The following ANXA10 variants were observed in gnomAD, a reference collection of about 807,000 sequenced individuals.
ANXA10 encodes the protein annexin 14.
ANXA10 carries 49 observed loss-of-function variants against 53.5 expected under a neutral mutation model. The ratio of observed to expected loss-of-function variants is 0.92; its 90% CI spans 0.73 to 1.16. ANXA10 has a LOEUF of 1.16. ANXA10 is among the 50% of genes most tolerant of loss of function. ANXA10 has a pLI of 0.00. For missense variants in ANXA10, 393 were observed against 394.4 expected (o/e 1.00, Z 0.03); for synonymous variants, 131 against 128.9 (o/e 1.02, Z -0.11).
intron 3 of ANXA10, among the ~76,000 whole-genome samples, chr4:168,158,159 T>C (rs1324968602): frequency 5.3e-5 from 8 of 152,196 alleles, no homozygotes; most frequent in Non-Finnish European, 1.2e-4. Context: ...CTCATGATGG[T>C]TCTAATTTCC....
intron 11 of ANXA10, 70 bp from the exon 12 acceptor site, chr4:168,187,296 G>C: frequency 9.5e-7 from 1 of 1,051,590 alleles, no homozygotes; most frequent in South Asian, 1.8e-5. Context: ...GTGCAGTCCA[G>C]AGGAATTATG....
At chr4:168,178,020 C>T (rs1422931727) in intron 8 of ANXA10, 37 bp downstream of exon 8, 1 of 1,568,878 alleles carries the variant, frequency 6.4e-7, no homozygotes, top group Non-Finnish European at 8.8e-7. Flanking sequence ...GCTACTTGAC[C>T]AATTATATAA....
At chr4:168,150,410 C>T (rs1382329843) in intron 3 of ANXA10, among the ~76,000 whole-genome samples, 2 of 152,182 alleles carry the variant, frequency 1.3e-5, no homozygotes, top group Non-Finnish European at 2.9e-5. Context: ...TTTTATAATA[C>T]TGTCAGCTGA....
intron 1 of ANXA10, among the ~76,000 whole-genome samples, chr4:168,123,291 A>AAC (rs1553997579): frequency 4.2e-4 from 64 of 151,486 alleles, no homozygotes; most frequent in African/African-American, 1.4e-3. Context: ...AACAAAAAAA[A>AAC]CCCAGACTTT....
At chr4:168,178,887 A>C (rs528637606) in intron 8 of ANXA10, among the ~76,000 whole-genome samples, 1 of 152,308 alleles carries the variant, frequency 6.6e-6, no homozygotes, top group African/African-American at 2.4e-5. Flanking sequence ...TAAGCCTATT[A>C]TATATGTCCT....
At chr4:168,116,707 C>T (rs1336528252) in intron 1 of ANXA10, among the ~76,000 whole-genome samples, 1 of 152,010 alleles carries the variant, frequency 6.6e-6, no homozygotes, top group Non-Finnish European at 1.5e-5. Flanking sequence ...CTGAGAAAAA[C>T]ATCCCATTAT....
chr4:168,127,817 C>CCTT (rs1553997928), intron 1 of ANXA10: 50 of 149,038 alleles, frequency 3.4e-4, no homozygotes, highest in Non-Finnish European at 5.1e-4. Flanking sequence ...ATGTTGAAAC[C>CCTT]TTTTTTTTTT....
chr4:168,187,244 T>C lies in ANXA10; in HGVS notation c.907-122T>C, dbSNP rs893845170. On this transcript the variant is annotated intron_variant, in intron 11 of 11. Transcript: ENST00000359299. ...ATGTTAAACCTTTAGATGAGAAAAGTAAATAAGTTTAGAAAGGCTAATGGT... is the reference window on the plus strand; with the variant it reads ...ATGTTAAACCTTTAGATGAGAAAAGCAAATAAGTTTAGAAAGGCTAATGGT... 4 of 512,496 alleles carry C rather than the reference T, an allele frequency of 7.8e-6. No individual in the cohort carries two copies. The African/African-American group carries it at 7.9e-5, about 10-fold the overall frequency. 31.7% of individuals were successfully genotyped at this position (512,496 alleles called of 1,614,324 possible).
intron 1 of ANXA10, among the ~76,000 whole-genome samples, chr4:168,117,924 C>T (rs1439878556): frequency 2.7e-5 from 4 of 146,578 alleles, no homozygotes; most frequent in Admixed American, 2.7e-4. Flanking sequence ...CACTCACTCA[C>T]TCACTCACTC....
intron 2 of ANXA10, among the ~76,000 whole-genome samples, chr4:168,134,825 T>G (rs10024333): frequency 0.037 from 5,583 of 152,292 alleles, 346 homozygotes; most frequent in African/African-American, 0.13. Context: ...AATACCCTGA[T>G]GCTCCCCCTG....
chr4:168,112,707 GC>G (rs1227306332), intron 1 of ANXA10, among the ~76,000 whole-genome samples: 1 of 152,086 alleles, frequency 6.6e-6, no homozygotes, highest in African/African-American at 2.4e-5. Flanking sequence ...TACTTCACTA[GC>G]CATATGACCT....
chr4:168,127,891 T>C (rs1331442958), intron 1 of ANXA10, 193 bp from the exon 2 acceptor site: 1 of 515,716 alleles, frequency 1.9e-6, no homozygotes, highest in African/African-American at 2.3e-5. Flanking sequence ...CCCAGTTAAT[T>C]TTTTGTATTT....
At chr4:168,179,144 C>T in intron 8 of ANXA10, 73 bp from the exon 9 acceptor site, 1 of 897,902 alleles carries the variant, frequency 1.1e-6, no homozygotes, top group Non-Finnish European at 1.7e-6. Flanking sequence ...TGGATTTTTA[C>T]TATGTGTAAC....
intron 1 of ANXA10, among the ~76,000 whole-genome samples, chr4:168,104,781 A>C (rs1186598167): frequency 1.3e-5 from 2 of 151,802 alleles, no homozygotes; most frequent in Non-Finnish European, 2.9e-5. Context: ...TTGTTGTCCA[A>C]ATAATAACTT....
At chr4:168,100,055 C>T (rs1339175553) in intron 1 of ANXA10, among the ~76,000 whole-genome samples, 1 of 151,982 alleles carries the variant, frequency 6.6e-6, no homozygotes, top group African/African-American at 2.4e-5. Flanking sequence ...AGAAAGTTTT[C>T]AAACAAAAAT....
At chr4:168,122,752 G>A (rs535166194) in intron 1 of ANXA10, among the ~76,000 whole-genome samples, 5 of 152,106 alleles carry the variant, frequency 3.3e-5, no homozygotes, top group South Asian at 2.1e-4. Context: ...ACTAAATCTC[G>A]TGAGAACTCA....
chr4:168,175,019 A>C (rs1578935555), intron 6 of ANXA10, among the ~76,000 whole-genome samples: 1 of 152,338 alleles, frequency 6.6e-6, no homozygotes, highest in East Asian at 1.9e-4. Context: ...TTAAAGCCAC[A>C]TGAGTAGATA....
At position 168,179,269 on chromosome 4, in the gene ANXA10, T is replaced by G. The variant is rs1226184869; in HGVS notation, c.681T>G (p.Asn227Lys). ...GGCAAGATATGGTAGATGCCATTAA[T>G]GAATGTTATGATGGATACTTTCAGG... is the stretch of plus-strand genomic sequence containing the variant. ...ISGQDMVDAI[N>K]ECYDGYFQEL... The change falls in exon 9 of 12, where the codon AAT becomes AAG. Residue 227 changes from asparagine (N) to lysine (K), a missense_variant. Coordinates refer to ENST00000359299, the MANE Select transcript of ANXA10 (RefSeq NM_007193.5). The G allele has an allele frequency of 1.9e-6, 3 of 1,612,022 alleles. No homozygotes were observed. The highest frequency in any genetic ancestry group is 2.5e-6 in the Non-Finnish European group (3 of 1,179,158).
chr4:168,174,859 A>G (rs1258151006), intron 6 of ANXA10, among the ~76,000 whole-genome samples: 5 of 152,210 alleles, frequency 3.3e-5, no homozygotes, highest in African/African-American at 1.2e-4. Context: ...TCAACATGCT[A>G]AACCTGATAT....
Sources: allele counts gnomAD v4.1 joint callset (sites outside exome capture counted in the v4.1 genomes callset), GRCh38; gene constraint gnomAD v4.1.1; transcripts MANE v1.5; gene names NCBI Gene and HGNC (gene_info 2026-07-23, HGNC 2026-07-21).